The following NFIB variants were observed in gnomAD, a reference collection of about 807,000 sequenced individuals.
NFIB encodes the protein nuclear factor I B.
NFIB carries 11 observed loss-of-function variants against 61.5 expected under a neutral mutation model. The observed-to-expected ratio is 0.18, with a 90% CI of 0.11 to 0.30. The LOEUF (loss-of-function observed/expected upper bound fraction) is 0.30, where lower values mean the gene tolerates loss of function less well. NFIB is among the 10% of genes least tolerant of loss of function. The pLI is 1.00. For synonymous variants in NFIB, 260 were observed against 216.5 expected, an observed-to-expected ratio of 1.20 and a Z score of -1.76; for missense variants, 471 against 608.9, an observed-to-expected ratio of 0.77 and a Z score of 2.38.
intron 1 of NFIB, among the ~76,000 whole-genome samples, chr9:14,374,096 A>C (rs2061389829): frequency 1.3e-5 from 2 of 152,198 alleles, no homozygotes; most frequent in South Asian, 4.1e-4. Context: ...TGAAGGCAAA[A>C]TTATAGTAAA....
At chr9:14,331,800 T>G (rs1275023097) in intron 1 of NFIB, among the ~76,000 whole-genome samples, 1 of 152,000 alleles carries the variant, frequency 6.6e-6, no homozygotes, top group Non-Finnish European at 1.5e-5. Flanking sequence ...AGTGTGGTTG[T>G]TTGGGGATCA....
At chr9:14,269,607 T>C (rs1169859766) in intron 2 of NFIB, among the ~76,000 whole-genome samples, 1 of 152,230 alleles carries the variant, frequency 6.6e-6, no homozygotes. Context: ...CACACATATA[T>C]GTCTGAACCT....
At chr9:14,200,107 T>C (rs1173979846) in intron 2 of NFIB, among the ~76,000 whole-genome samples, 1 of 152,084 alleles carries the variant, frequency 6.6e-6, no homozygotes, top group South Asian at 2.1e-4. Flanking sequence ...TTTAAAGGGG[T>C]GTGCTCAGTA....
chr9:14,412,319 C>A, the NFIB span, among the ~76,000 whole-genome samples: 7 of 152,176 alleles, frequency 4.6e-5, no homozygotes, highest in African/African-American at 1.7e-4. Flanking sequence ...GAAAAGGGAC[C>A]AAGTTGACTG....
chr9:14,505,658 CT>C, the NFIB span, among the ~76,000 whole-genome samples: 2 of 152,118 alleles, frequency 1.3e-5, no homozygotes, highest in East Asian at 3.9e-4. Context: ...TCAAAGCCCC[CT>C]AACCCCTTCT....
chr9:14,185,137 A>G (rs10756536), intron 2 of NFIB, among the ~76,000 whole-genome samples: 27,081 of 152,176 alleles, frequency 0.18, 3,039 homozygotes, highest in East Asian at 0.38. Context: ...CTGAAGAGAC[A>G]GAAATATACA....
intron 1 of NFIB, among the ~76,000 whole-genome samples, chr9:14,339,125 A>C (rs955893009): frequency 2.0e-5 from 3 of 152,232 alleles, no homozygotes; most frequent in African/African-American, 7.2e-5. Context: ...GAAATTGCAG[A>C]TCTGTAGCAA....
chr9:14,476,045 A>C, the NFIB span, among the ~76,000 whole-genome samples: 1 of 152,236 alleles, frequency 6.6e-6, no homozygotes, highest in African/African-American at 2.4e-5. Flanking sequence ...GACTTGTCAG[A>C]ACAATAAGTC....
intron 2 of NFIB, among the ~76,000 whole-genome samples, chr9:14,262,904 G>A (rs1416544081): frequency 6.6e-6 from 1 of 151,974 alleles, no homozygotes; most frequent in Non-Finnish European, 1.5e-5. Context: ...TCCCATTTTA[G>A]AGGCAGCCAT....
chr9:14,103,245 A>G (rs2036038136), intron 10 of NFIB, among the ~76,000 whole-genome samples: 1 of 151,856 alleles, frequency 6.6e-6, no homozygotes, highest in Non-Finnish European at 1.5e-5. Flanking sequence ...AACCCTATCC[A>G]GCTCTGCTTG....
At chr9:14,261,911 T>C (rs1301117014) in intron 2 of NFIB, among the ~76,000 whole-genome samples, 1 of 152,152 alleles carries the variant, frequency 6.6e-6, no homozygotes, top group East Asian at 1.9e-4. Flanking sequence ...ATAAGGGAAC[T>C]TCAGGGAACA....
intron 3 of NFIB, among the ~76,000 whole-genome samples, chr9:14,159,877 T>A (rs750686797): frequency 2.0e-5 from 3 of 152,192 alleles, no homozygotes; most frequent in Non-Finnish European, 4.4e-5. Flanking sequence ...TTCAGGAACA[T>A]GTTTTTCACA....
chr9:14,450,056 G>C, the NFIB span, among the ~76,000 whole-genome samples: 2 of 151,952 alleles, frequency 1.3e-5, no homozygotes, highest in South Asian at 2.1e-4. Context: ...TGCCATGTTG[G>C]TTTGCTGCAC....
chr9:14,263,171 G>T (rs1383681035), intron 2 of NFIB, among the ~76,000 whole-genome samples: 3 of 151,248 alleles, frequency 2.0e-5, no homozygotes, highest in Non-Finnish European at 4.4e-5. Flanking sequence ...ACATGATTTT[G>T]TTATTTGTAC....
chr9:14,361,000 A>T (rs1366079803), intron 1 of NFIB, among the ~76,000 whole-genome samples: 1 of 152,146 alleles, frequency 6.6e-6, no homozygotes, highest in Non-Finnish European at 1.5e-5. Flanking sequence ...AATTATTTTT[A>T]AAATAAAAAT....
chr9:14,218,616 G>T (rs977661984), intron 2 of NFIB, among the ~76,000 whole-genome samples: 6 of 152,158 alleles, frequency 3.9e-5, no homozygotes, highest in Non-Finnish European at 8.8e-5. Flanking sequence ...ATTTAATAGT[G>T]TATTTTGGTA....
At chr9:14,097,641 T>C (rs780046760) in intron 10 of NFIB, among the ~76,000 whole-genome samples, 7 of 152,052 alleles carry the variant, frequency 4.6e-5, no homozygotes, top group Non-Finnish European at 8.8e-5. Flanking sequence ...CACACACATA[T>C]AGATGCATAC....
chr9:14,114,424 G>C (rs2037830662), intron 9 of NFIB, among the ~76,000 whole-genome samples: 1 of 152,026 alleles, frequency 6.6e-6, no homozygotes, highest in Non-Finnish European at 1.5e-5. Flanking sequence ...TGTTTTCTTT[G>C]ACCATAGTAC....
intron 2 of NFIB, among the ~76,000 whole-genome samples, chr9:14,304,658 T>A (rs2132679655): frequency 6.6e-6 from 1 of 152,364 alleles, no homozygotes; most frequent in African/African-American, 2.4e-5. Context: ...TTTTCTGATT[T>A]TTCTTTCGTG....
Sources: gnomAD v4.1 joint callset for allele counts (sites outside exome capture counted in the v4.1 genomes callset) on GRCh38, gnomAD v4.1.1 for gene constraint, MANE v1.5 for transcripts, NCBI Gene and HGNC (gene_info 2026-07-23, HGNC 2026-07-21) for gene names.